The following CCDC102B variants were observed in gnomAD, a reference collection of about 807,000 sequenced individuals.
CCDC102B encodes the protein coiled-coil domain containing 102B.
Under a neutral mutation model 57.4 loss-of-function variants are expected in CCDC102B, and 75 were observed. The observed-to-expected ratio is 1.31, with a 90% confidence interval of 1.08 to 1.58. The LOEUF (loss-of-function observed/expected upper bound fraction) is 1.58, where lower values mean the gene tolerates loss of function less well. Among genes scored for constraint, CCDC102B ranks in the 40% most tolerant of loss-of-function variants. CCDC102B has a pLI of 0.00. For missense variants in CCDC102B, 636 were observed against 582.6 expected (o/e 1.09, Z -0.94); for synonymous variants, 206 against 201.9 (o/e 1.02, Z -0.17).
At chr18:68,829,972 C>T (rs963069151) in intron 1 of CCDC102B, among the ~76,000 whole-genome samples, 2 of 151,892 alleles carry the variant, frequency 1.3e-5, no homozygotes, top group Non-Finnish European at 2.9e-5. Context: ...ATACAACCGT[C>T]CTTCTCTTAG....
At chr18:69,029,433 T>A (rs2052079892) in intron 7 of CCDC102B, among the ~76,000 whole-genome samples, 1 of 152,190 alleles carries the variant, frequency 6.6e-6, no homozygotes, top group Non-Finnish European at 1.5e-5. Context: ...CTGCATCAGG[T>A]TGGAGGATGT....
intron 4 of CCDC102B, among the ~76,000 whole-genome samples, chr18:68,854,150 G>C (rs932858925): frequency 1.3e-4 from 20 of 151,384 alleles, no homozygotes; most frequent in Non-Finnish European, 4.4e-5. Context: ...GCCCAGGCTG[G>C]AGTCCAGTGG....
chr18:68,818,739 A>G (rs1480675519), intron 1 of CCDC102B, among the ~76,000 whole-genome samples: 1 of 152,126 alleles, frequency 6.6e-6, no homozygotes, highest in East Asian at 1.9e-4. Flanking sequence ...ACTATGGTAA[A>G]ATTTTTGCAT....
rs140584794 is a variant in CCDC102B, at chr18:68,948,599, TG to T, written c.1263+51173del. ...CACATATTGCCTGGAAGACCAATGA[TG>T]GATCTCTGGTCATATTGCTGTGGTA... On this transcript the variant is annotated intron_variant, in intron 6 of 7. Transcript: ENST00000360242. Among the ~76,000 whole-genome samples the T allele has an allele frequency of 6.3e-3, 962 of 152,216 alleles. 8 individuals carry two copies. The highest frequency in any genetic ancestry group is 0.022 in the African/African-American group (921 of 41,548).
intron 4 of CCDC102B, among the ~76,000 whole-genome samples, chr18:68,846,831 G>T (rs2037888713): frequency 6.6e-6 from 1 of 151,718 alleles, no homozygotes; most frequent in Non-Finnish European, 1.5e-5. Context: ...TATCATAAAT[G>T]ACTTTATCTT....
chr18:68,916,190 A>G (rs62094999), intron 6 of CCDC102B, among the ~76,000 whole-genome samples: 11,523 of 152,174 alleles, frequency 0.076, 597 homozygotes, highest in Admixed American at 0.12. Flanking sequence ...TATCTATGCT[A>G]TTACATATGT....
At chr18:68,806,868 C>T (rs1222715504) in intron 1 of CCDC102B, among the ~76,000 whole-genome samples, 1 of 152,050 alleles carries the variant, frequency 6.6e-6, no homozygotes, top group Non-Finnish European at 1.5e-5. Flanking sequence ...TTAATTAGTA[C>T]TCACCGAACA....
rs368421758 is a variant in CCDC102B, at chr18:68,833,052, A to G, written c.-15-3697A>G. ...GAGATATTTTAGCTTAAAAATATCCAAAGTGGAAGTATGCCAAATGTATTC... is the reference window on the plus strand; with the variant it reads ...GAGATATTTTAGCTTAAAAATATCCGAAGTGGAAGTATGCCAAATGTATTC... On this transcript the variant is annotated intron_variant, in intron 1 of 7. Transcript: ENST00000360242. 1.2e-4 allele frequency among the ~76,000 whole-genome samples: 18 copies of G among 152,366 alleles called. No individual in the cohort carries two copies. In the South Asian group the frequency reaches 2.9e-3, roughly 25 times the overall value.
chr18:69,048,394 G>A (rs1394523554), intron 7 of CCDC102B, among the ~76,000 whole-genome samples: 1 of 151,946 alleles, frequency 6.6e-6, no homozygotes, highest in Non-Finnish European at 1.5e-5. Context: ...TTTTAATGAG[G>A]CATGAATGTT....
At chr18:68,923,381 A>G (rs942991804) in intron 6 of CCDC102B, among the ~76,000 whole-genome samples, 3 of 151,932 alleles carry the variant, frequency 2.0e-5, no homozygotes, top group Non-Finnish European at 4.4e-5. Flanking sequence ...TAAAATACCT[A>G]TGCAAACTAT....
At chr18:68,852,826 G>T (rs1180249578) in intron 4 of CCDC102B, among the ~76,000 whole-genome samples, 2 of 152,076 alleles carry the variant, frequency 1.3e-5, no homozygotes, top group African/African-American at 4.8e-5. Context: ...AACGATTTTT[G>T]ATTATACAAA....
intron 7 of CCDC102B, among the ~76,000 whole-genome samples, chr18:69,027,678 T>A (rs1400233769): frequency 7.2e-6 from 1 of 138,888 alleles, no homozygotes; most frequent in Non-Finnish European, 1.6e-5. Context: ...TTTTTTTTTT[T>A]AAAGTTTCAG....
chr18:68,955,402 A>G (rs1284516455), intron 6 of CCDC102B, among the ~76,000 whole-genome samples: 1 of 152,130 alleles, frequency 6.6e-6, no homozygotes, highest in Non-Finnish European at 1.5e-5. Flanking sequence ...TTATAGTCTG[A>G]TTTATAAAGG....
chr18:69,004,680 G>A (rs1365248076), intron 6 of CCDC102B, among the ~76,000 whole-genome samples: 1 of 151,958 alleles, frequency 6.6e-6, no homozygotes, highest in African/African-American at 2.4e-5. Context: ...TGTCACAATT[G>A]ACAAATATCC....
chr18:68,876,075 A>C (rs1043799191), intron 5 of CCDC102B, among the ~76,000 whole-genome samples: 1 of 152,226 alleles, frequency 6.6e-6, no homozygotes, highest in Non-Finnish European at 1.5e-5. Context: ...CAGGATAGAT[A>C]TCTCTTTTTC....
chr18:68,951,817 A>G (rs1232992724), intron 6 of CCDC102B, among the ~76,000 whole-genome samples: 3 of 151,200 alleles, frequency 2.0e-5, no homozygotes, highest in Non-Finnish European at 4.4e-5. Flanking sequence ...AAAAAAAAAA[A>G]GACAATAGAA....
At chr18:68,972,672 A>G (rs982259985) in intron 6 of CCDC102B, among the ~76,000 whole-genome samples, 1 of 152,198 alleles carries the variant, frequency 6.6e-6, no homozygotes, top group African/African-American at 2.4e-5. Context: ...GAGAGACATT[A>G]GGTATGAATA....
chr18:68,892,504 A>G (rs537479781), intron 5 of CCDC102B, among the ~76,000 whole-genome samples: 1 of 152,252 alleles, frequency 6.6e-6, no homozygotes, highest in Admixed American at 6.5e-5. Context: ...ATATCCGTCA[A>G]GTTTCTATAA....
At chr18:68,814,595 CTATT>C (rs1161852181) in intron 1 of CCDC102B, among the ~76,000 whole-genome samples, 16 of 152,032 alleles carry the variant, frequency 1.1e-4, no homozygotes, top group African/African-American at 3.6e-4. Flanking sequence ...GCAATTTTCT[CTATT>C]TAAACCTTTC....
Sources: gnomAD v4.1 joint callset for allele counts (sites outside exome capture counted in the v4.1 genomes callset) on GRCh38, gnomAD v4.1.1 for gene constraint, MANE v1.5 for transcripts, NCBI Gene and HGNC (gene_info 2026-07-23, HGNC 2026-07-21) for gene names.